LRRTM4: variants seen among roughly 807,000 people sequenced by gnomAD.
LRRTM4 encodes leucine-rich repeat transmembrane neuronal protein 4.
In LRRTM4, 25 loss-of-function variants were observed where a neutral mutation model predicts 47.6. The ratio of observed to expected loss-of-function variants is 0.53; its 90% CI spans 0.38 to 0.73. The LOEUF (loss-of-function observed/expected upper bound fraction) is 0.73, where lower values mean the gene tolerates loss of function less well. LRRTM4 is among the 30% of genes least tolerant of loss of function. LRRTM4 has a pLI of 0.00. For synonymous variants in LRRTM4, 311 were observed against 269.5 expected (o/e 1.15, Z -1.51); for missense variants, 638 against 713.4 (o/e 0.89, Z 1.20).
chr2:77,243,855 G>T (rs1370877671), intron 3 of LRRTM4, among the ~76,000 whole-genome samples: 5 of 140,802 alleles, frequency 3.6e-5, no homozygotes, highest in Non-Finnish European at 6.1e-5. Context: ...GTGCCATGCT[G>T]CTGCGCTGCA....
chr2:76,998,902 C>A (rs533342687), intron 3 of LRRTM4, among the ~76,000 whole-genome samples: 3 of 151,600 alleles, frequency 2.0e-5, no homozygotes, highest in African/African-American at 7.3e-5. Context: ...AATAAATCAA[C>A]GTAATTAAAC....
At chr2:77,261,244 G>T (rs1675911224) in intron 3 of LRRTM4, among the ~76,000 whole-genome samples, 1 of 152,058 alleles carries the variant, frequency 6.6e-6, no homozygotes, top group Non-Finnish European at 1.5e-5. Flanking sequence ...ATATGAATGT[G>T]TGGTAAATTT....
At chr2:77,136,386 G>A (rs1425933557) in intron 3 of LRRTM4, among the ~76,000 whole-genome samples, 1 of 152,146 alleles carries the variant, frequency 6.6e-6, no homozygotes, top group Non-Finnish European at 1.5e-5. Context: ...TGGACCTCCA[G>A]CAAACTCCAC....
intron 3 of LRRTM4, among the ~76,000 whole-genome samples, chr2:77,359,260 G>A (rs561299740): frequency 4.9e-4 from 75 of 151,948 alleles, no homozygotes; most frequent in Non-Finnish European, 9.1e-4. Context: ...ATTTTGTTGC[G>A]TGTTTTAAAG....
intron 3 of LRRTM4, among the ~76,000 whole-genome samples, chr2:76,855,252 A>G: frequency 6.6e-6 from 1 of 152,216 alleles, no homozygotes; most frequent in Non-Finnish European, 1.5e-5. Flanking sequence ...AAAGCAGTGA[A>G]TATTATTGCT....
At chr2:77,088,629 C>T (rs59910712) in intron 3 of LRRTM4, among the ~76,000 whole-genome samples, 4,501 of 152,258 alleles carry the variant, frequency 0.03, 219 homozygotes, top group African/African-American at 0.1. Flanking sequence ...AGCCATGTTG[C>T]TCACACAAAG....
At chr2:77,074,160 C>T (rs1229156016) in intron 3 of LRRTM4, among the ~76,000 whole-genome samples, 2 of 152,126 alleles carry the variant, frequency 1.3e-5, no homozygotes, top group Non-Finnish European at 2.9e-5. Context: ...ACTTCATCTG[C>T]ATCTATTTCT....
intron 3 of LRRTM4, among the ~76,000 whole-genome samples, chr2:77,307,110 C>A (rs1357747944): frequency 6.6e-6 from 1 of 151,738 alleles, no homozygotes; most frequent in East Asian, 1.9e-4. Context: ...CTGTGTTAGC[C>A]AGGATGGTCT....
intron 3 of LRRTM4, among the ~76,000 whole-genome samples, chr2:77,251,138 T>TATACACACATATAC (rs1675595015): frequency 6.9e-6 from 1 of 144,178 alleles, no homozygotes; most frequent in African/African-American, 2.6e-5. Flanking sequence ...CATATATATG[T>TATACACACATATAC]ATATATATGT....
intron 3 of LRRTM4, among the ~76,000 whole-genome samples, chr2:76,906,529 C>G (rs1023579615): frequency 6.6e-6 from 1 of 152,012 alleles, no homozygotes; most frequent in Non-Finnish European, 1.5e-5. Flanking sequence ...ACTAAATGCT[C>G]CAATCAAAAG....
At chr2:77,220,012 C>G (rs555448292) in intron 3 of LRRTM4, among the ~76,000 whole-genome samples, 1 of 152,250 alleles carries the variant, frequency 6.6e-6, no homozygotes, top group South Asian at 2.1e-4. Context: ...ACAAAACTTC[C>G]AGAGGAATGA....
At chr2:76,911,854 CTGTGTGTG>C (rs575835660) in intron 3 of LRRTM4, among the ~76,000 whole-genome samples, 2 of 143,886 alleles carry the variant, frequency 1.4e-5, no homozygotes, top group Admixed American at 7.4e-5. Flanking sequence ...TTGTGTGTGT[CTGTGTGTG>C]TGTGTGTAGC....
chr2:76,940,216 AT>A (rs1218750074), intron 3 of LRRTM4, among the ~76,000 whole-genome samples: 2 of 152,216 alleles, frequency 1.3e-5, no homozygotes, highest in Non-Finnish European at 2.9e-5. Flanking sequence ...CCTAATTGTA[AT>A]AGCAAAGACA....
chr2:76,984,722 C>T (rs1676733888), intron 3 of LRRTM4, among the ~76,000 whole-genome samples: 1 of 151,986 alleles, frequency 6.6e-6, no homozygotes, highest in Admixed American at 6.6e-5. Context: ...TGAATTACCA[C>T]TAAACTGCTA....
chr2:77,082,807 C>T (rs868522689), intron 3 of LRRTM4, among the ~76,000 whole-genome samples: 4 of 151,978 alleles, frequency 2.6e-5, no homozygotes, highest in African/African-American at 9.6e-5. Context: ...CGTATTTGCT[C>T]TTTTAAAAAA....
intron 3 of LRRTM4, among the ~76,000 whole-genome samples, chr2:77,008,861 C>A (rs1053619801): frequency 1.3e-5 from 2 of 150,918 alleles, no homozygotes; most frequent in Admixed American, 6.7e-5. Context: ...CTGTTTCTGA[C>A]TGGGTTAGCA....
intron 3 of LRRTM4, among the ~76,000 whole-genome samples, chr2:76,860,930 A>G (rs1346052874): frequency 2.6e-5 from 4 of 152,116 alleles, no homozygotes; most frequent in Non-Finnish European, 5.9e-5. Context: ...CCTGGTGTTA[A>G]TATCTCATAG....
chr2:77,304,889 A>C (rs1165017531), intron 3 of LRRTM4, among the ~76,000 whole-genome samples: 1 of 152,000 alleles, frequency 6.6e-6, no homozygotes, highest in Non-Finnish European at 1.5e-5. Flanking sequence ...TGAGTCCAAA[A>C]CTTCTTAAAA....
chr2:76,958,091 T>C (rs1432509443), intron 3 of LRRTM4, among the ~76,000 whole-genome samples: 1 of 151,326 alleles, frequency 6.6e-6, no homozygotes, highest in Non-Finnish European at 1.5e-5. Context: ...AAAAAGGAGG[T>C]TTCATTTACT....
Sources: gnomAD v4.1 joint callset for allele counts (sites outside exome capture counted in the v4.1 genomes callset) on GRCh38, gnomAD v4.1.1 for gene constraint, MANE v1.5 for transcripts, NCBI Gene and HGNC (gene_info 2026-07-23, HGNC 2026-07-21) for gene names.